The following ELP3 variants were observed in gnomAD, a reference collection of about 807,000 sequenced individuals.
ELP3 encodes elongator complex protein 3.
ELP3 carries 56 observed loss-of-function variants against 74.9 expected under a neutral mutation model. The observed-to-expected ratio is 0.75, with a 90% CI of 0.60 to 0.93. ELP3 has a LOEUF of 0.93. Ranked by LOEUF, ELP3 falls within the 40% of genes least tolerant of loss-of-function variation. The probability of loss-of-function intolerance (pLI) is 0.00; values close to 1 mark genes in which losing one functional copy is unlikely to be tolerated. For missense variants in ELP3, 573 were observed against 686.5 expected (o/e 0.83, Z 1.85); for synonymous variants, 222 against 239.8 (o/e 0.93, Z 0.68).
upstream of ELP3, chr8:28,090,360 C>A: frequency 2.6e-6 from 1 of 380,608 alleles, no homozygotes; most frequent in South Asian, 2.0e-5. Context: ...CTCTGGAGCC[C>A]AGGATGTTGC....
At chr8:28,150,443 C>G (rs1389850287) in intron 10 of ELP3, among the ~76,000 whole-genome samples, 1 of 152,028 alleles carries the variant, frequency 6.6e-6, no homozygotes, top group East Asian at 1.9e-4. Context: ...TTTTTCTCTC[C>G]TTTATTATCC....
At chr8:28,097,933 C>G (rs1811319137) in intron 2 of ELP3, among the ~76,000 whole-genome samples, 1 of 152,122 alleles carries the variant, frequency 6.6e-6, no homozygotes, top group African/African-American at 2.4e-5. Flanking sequence ...TAGTAATTGG[C>G]AGAGCTGGGA....
intron 9 of ELP3, among the ~76,000 whole-genome samples, chr8:28,134,977 G>A (rs1812926602): frequency 6.6e-6 from 1 of 151,488 alleles, no homozygotes; most frequent in African/African-American, 2.4e-5. Flanking sequence ...CATTCAGGCT[G>A]GAGTGCAATG....
intron 10 of ELP3, among the ~76,000 whole-genome samples, chr8:28,146,332 G>C (rs1474759323): frequency 6.6e-6 from 1 of 152,140 alleles, no homozygotes; most frequent in African/African-American, 2.4e-5. Flanking sequence ...TGAAACATTA[G>C]AATAGGAATA....
intron 14 of ELP3, among the ~76,000 whole-genome samples, chr8:28,162,777 A>G (rs1379769158): frequency 2.6e-5 from 4 of 152,220 alleles, no homozygotes; most frequent in African/African-American, 9.6e-5. Flanking sequence ...AAAATAAGAC[A>G]GGACACAGGA....
intron 14 of ELP3, among the ~76,000 whole-genome samples, chr8:28,184,927 C>T (rs1815173049): frequency 6.7e-6 from 1 of 149,208 alleles, no homozygotes; most frequent in Non-Finnish European, 1.5e-5. Flanking sequence ...AAGACCATGC[C>T]ATTGCACTCC....
At chr8:28,163,524 CT>C (rs3081780) in intron 14 of ELP3, among the ~76,000 whole-genome samples, 2,319 of 137,816 alleles carry the variant, frequency 0.017, 40 homozygotes, top group East Asian at 0.069. Context: ...ATTCCTAAAG[CT>C]TTTTTTTTTT....
chr8:28,093,424 C>A, intron 1 of ELP3, 191 bp downstream of exon 1: 1 of 680,868 alleles, frequency 1.5e-6, no homozygotes, highest in Non-Finnish European at 2.4e-6. Flanking sequence ...TTGAAGCACC[C>A]TACCCTTCCT....
intron 14 of ELP3, among the ~76,000 whole-genome samples, chr8:28,185,805 C>T (rs1355771763): frequency 1.3e-5 from 2 of 152,186 alleles, no homozygotes; most frequent in African/African-American, 4.8e-5. Flanking sequence ...AGGGTCTGGG[C>T]AGGAAAGACT....
At chr8:28,134,041 G>A (rs1298448876) in intron 9 of ELP3, among the ~76,000 whole-genome samples, 1 of 152,116 alleles carries the variant, frequency 6.6e-6, no homozygotes, top group Non-Finnish European at 1.5e-5. Context: ...TGCCACGTTG[G>A]TTGGCTGCAC....
At position 28,128,199 on chromosome 8, in the gene ELP3, C is replaced by T. The variant is rs565755874; in HGVS notation, c.618-1303C>T. 1.0e-3 allele frequency among the ~76,000 whole-genome samples: 158 copies of T among 152,112 alleles called. 2 individuals carry two copies. The highest frequency in any genetic ancestry group is 6.6e-4 in the Admixed American group (10 of 15,266). The stretch of plus-strand genomic sequence containing the variant: ...TAAGAATTGAGAGATGTTGGCCGGG[C>T]GCAGTGGCTCATGCCCGTAATCCCA... On this transcript the variant is annotated intron_variant, in intron 7 of 14. Transcript: ENST00000256398.
chr8:28,166,083 G>C (rs998950887), intron 14 of ELP3, among the ~76,000 whole-genome samples: 2 of 152,066 alleles, frequency 1.3e-5, no homozygotes, highest in Non-Finnish European at 2.9e-5. Context: ...AAAATGAAAT[G>C]TTCAGTTTCA....
At chr8:28,123,954 T>G (rs1028397880) in intron 7 of ELP3, among the ~76,000 whole-genome samples, 1 of 151,912 alleles carries the variant, frequency 6.6e-6, no homozygotes, top group African/African-American at 2.4e-5. Flanking sequence ...TTTTTTTTTT[T>G]ATCCATTTTG....
intron 7 of ELP3, among the ~76,000 whole-genome samples, chr8:28,121,459 A>G (rs1812369514): frequency 6.6e-6 from 1 of 151,496 alleles, no homozygotes. Flanking sequence ...AGCTGGGATT[A>G]CAGGCATCCA....
intron 2 of ELP3, among the ~76,000 whole-genome samples, chr8:28,098,271 C>T (rs1391203884): frequency 6.6e-6 from 1 of 151,684 alleles, no homozygotes; most frequent in Non-Finnish European, 1.5e-5. Flanking sequence ...GGTTCTCTCC[C>T]CAACCCCAGG....
intron 9 of ELP3, among the ~76,000 whole-genome samples, chr8:28,132,777 T>C (rs1285501243): frequency 2.0e-5 from 3 of 152,234 alleles, no homozygotes; most frequent in Admixed American, 1.3e-4. Context: ...TGTTAACATA[T>C]TTAAATGTCT....
intron 14 of ELP3, among the ~76,000 whole-genome samples, chr8:28,177,628 TG>T (rs1233758020): frequency 1.3e-5 from 2 of 152,240 alleles, no homozygotes; most frequent in Admixed American, 1.3e-4. Flanking sequence ...TTTACAAGTT[TG>T]GCTGTGAGAA....
At chr8:28,142,436 G>C (rs538903365) in intron 10 of ELP3, among the ~76,000 whole-genome samples, 1 of 152,186 alleles carries the variant, frequency 6.6e-6, no homozygotes, top group Non-Finnish European at 1.5e-5. Context: ...TGTGAGTGAG[G>C]AGTGGTACAG....
intron 14 of ELP3, chr8:28,183,222 G>A: frequency 2.2e-6 from 1 of 462,508 alleles, no homozygotes; most frequent in Non-Finnish European, 4.3e-6. Flanking sequence ...AGAGGCAGAG[G>A]GGAGGCCACC....
Sources: gnomAD v4.1 joint callset for allele counts (sites outside exome capture counted in the v4.1 genomes callset) on GRCh38, gnomAD v4.1.1 for gene constraint, MANE v1.5 for transcripts, NCBI Gene and HGNC (gene_info 2026-07-23, HGNC 2026-07-21) for gene names.